NOCT: variants seen among roughly 807,000 people sequenced by gnomAD.
NOCT encodes the protein CCR4 carbon catabolite repression 4-like.
Under a neutral mutation model 35.0 loss-of-function variants are expected in NOCT, and 18 were observed. The ratio of observed to expected loss-of-function variants is 0.51; its 90% CI spans 0.36 to 0.76. The LOEUF is 0.76. Among genes scored for constraint, NOCT ranks in the 30% least tolerant of loss-of-function variants. NOCT has a pLI of 0.01. For synonymous variants in NOCT, 235 were observed against 226.3 expected (o/e 1.04, Z -0.34); for missense variants, 479 against 541.0 (o/e 0.89, Z 1.14).
At chr4:139,019,883 AGCTG>A (rs1726377701) in intron 1 of NOCT, among the ~76,000 whole-genome samples, 1 of 152,216 alleles carries the variant, frequency 6.6e-6, no homozygotes, top group East Asian at 1.9e-4. Context: ...GAGAATGAAG[AGCTG>A]GCTGAACTAC....
Position 139,015,997 on chromosome 4 carries a change from C to A in NOCT, c.16C>A (p.Arg6=). The A allele has an allele frequency of 7.2e-7, 1 of 1,385,104 alleles. No individual in the cohort carries two copies. Among genetic ancestry groups the A allele is most frequent in the South Asian group, 1.6e-5 (1 of 64,174 alleles). 85.8% of individuals were successfully genotyped at this position (1,385,104 alleles called of 1,614,324 possible). MFHSP[R]RLCSALLQRD... is the part of the protein sequence containing the mutation. ...GGCGCCCGGCATGTTTCATAGTCCG[C>A]GGCGGCTCTGCTCGGCCCTGCTGCA... Residue 6 remains arginine (R), a synonymous_variant, in exon 1 of 3, where the codon CGG becomes AGG. Transcript: ENST00000280614.
intron 1 of NOCT, among the ~76,000 whole-genome samples, chr4:139,028,726 A>G (rs1290073265): frequency 2.6e-5 from 4 of 152,220 alleles, no homozygotes; most frequent in East Asian, 1.9e-4. Context: ...TAGTTGTTCA[A>G]TCTAGAGAAA....
intron 1 of NOCT, among the ~76,000 whole-genome samples, chr4:139,019,737 G>A (rs1444109160): frequency 1.3e-5 from 2 of 152,130 alleles, no homozygotes; most frequent in East Asian, 1.9e-4. Flanking sequence ...GGATGATCTC[G>A]GTGTTTGGCT....
At chr4:139,043,539 A>T in intron 2 of NOCT, 196 bp downstream of exon 2, 1 of 555,276 alleles carries the variant, frequency 1.8e-6, no homozygotes. Flanking sequence ...TTTTTTTAGA[A>T]AGAAAAAAGA....
In NOCT at chr4:139,043,166, G is replaced by A. The variant is rs757607668; in HGVS notation, c.283G>A (p.Val95Met). 3.1e-6 allele frequency: 5 copies of A among 1,614,028 alleles called. No homozygotes were observed. Among genetic ancestry groups the A allele is most frequent in the African/African-American group, 1.3e-5 (1 of 74,910 alleles). The change falls in exon 2 of 3, where the codon GTG becomes ATG. Residue 95 changes from valine to methionine, a missense_variant. Physicochemically the swap from Val to Met is conservative, Grantham distance 21. Around this residue, in one of 2 missense-constraint regions of NOCT, gnomAD observed 265 missense variants for 257.0 expected, o/e 1.03. Coordinates refer to ENST00000280614, the MANE Select transcript of NOCT (RefSeq NM_012118.4). ...SAASQHPEYLVSPDPEHLEPI... is the reference protein window; with the variant it reads ...SAASQHPEYLMSPDPEHLEPI... Reference sequence around the variant, plus strand: ...TGCCTCCCAGCACCCAGAGTATTTGGTGTCACCTGACCCAGAGCATCTGGA... The same window carrying A: ...TGCCTCCCAGCACCCAGAGTATTTGATGTCACCTGACCCAGAGCATCTGGA...
intron 1 of NOCT, among the ~76,000 whole-genome samples, chr4:139,042,071 C>CTTTTTTTTT (rs368776726): frequency 4.6e-5 from 5 of 108,746 alleles, no homozygotes; most frequent in African/African-American, 7.0e-5. Flanking sequence ...TCTTTAAGAT[C>CTTTTTTTTT]TTTTTTTTTT....
At chr4:139,036,795 CAG>C (rs1726745221) in intron 1 of NOCT, among the ~76,000 whole-genome samples, 2 of 152,116 alleles carry the variant, frequency 1.3e-5, no homozygotes, top group African/African-American at 4.8e-5. Context: ...TAACATACAG[CAG>C]AGAGATTATC....
rs1560727187 is a variant in NOCT at position 139,015,859 on chromosome 4, G to A, written c.-123G>A. On this transcript the variant is annotated 5_prime_UTR_variant, in exon 1 of 3. Coordinates refer to ENST00000280614, the MANE Select transcript of NOCT (RefSeq NM_012118.4). ...GATTTCCCCAGAACCTGCGCCGCGC[G>A]AGAAGGAGCCTGGGAGCATCCGCCC... 6.6e-6 allele frequency: 5 copies of A among 761,402 alleles called. No individual in the cohort carries two copies. The East Asian group carries it at 1.2e-4, about 18-fold the overall frequency. 47.2% of individuals were successfully genotyped at this position (761,402 alleles called of 1,614,324 possible).
rs750292631 is a variant in NOCT, at chr4:139,016,154, G to A, written c.173G>A (p.Arg58Lys). The A allele has an allele frequency of 1.2e-5, 15 of 1,269,002 alleles. No homozygotes were observed. The highest frequency in any genetic ancestry group is 1.5e-5 in the Non-Finnish European group (15 of 1,011,916). 78.6% of individuals were successfully genotyped at this position (1,269,002 alleles called of 1,614,324 possible). Residue 58 changes from arginine (R) to lysine (K), a missense_variant, in exon 1 of 3, where the codon AGG becomes AAG. This residue lies in a region of NOCT where 265 missense variants were observed against 257.0 expected (regional missense o/e 1.03). Transcript: ENST00000280614. ...AAASAASGAARSCSRTVCSMG... is the reference protein window; with the variant it reads ...AAASAASGAAKSCSRTVCSMG... The stretch of plus-strand genomic sequence containing the variant: ...GCCTCGGCGGCCTCGGGCGCCGCGA[G>A]GTCGTGTTCCCGAACAGGTGAGTGC...
chr4:139,032,808 C>T lies in NOCT; in HGVS notation c.191-10266C>T, dbSNP rs1013207610. Among the ~76,000 whole-genome samples, 4 of 152,192 alleles carry T rather than the reference C, an allele frequency of 2.6e-5. No homozygotes were observed. The South Asian group carries it at 8.3e-4, about 32-fold the overall frequency. ...TCCTGAATAGCAACTCCTATTAAGG[C>T]ATAAAACTTAAGTAGATGGTTTGAA... On this transcript the variant is annotated intron_variant, in intron 1 of 2. Coordinates refer to ENST00000280614, the MANE Select transcript of NOCT (RefSeq NM_012118.4).
At chr4:139,043,451 G>A in intron 2 of NOCT, 108 bp downstream of exon 2, 1 of 1,082,066 alleles carries the variant, frequency 9.2e-7, no homozygotes, top group South Asian at 1.4e-5. Flanking sequence ...GGTGTGGGCA[G>A]ATGGAGGTGA....
chr4:139,035,935 T>C (rs1198026684), intron 1 of NOCT, among the ~76,000 whole-genome samples: 1 of 152,136 alleles, frequency 6.6e-6, no homozygotes, highest in East Asian at 1.9e-4. Context: ...GTGAGGCTAT[T>C]TCCTTACCAC....
rs372648550 is a variant in NOCT, at chr4:139,045,153, C to T, written c.975C>T (p.Phe325=). The change falls in exon 3 of 3, where the codon TTC becomes TTT. Residue 325 remains phenylalanine (F), a synonymous_variant. Transcript: ENST00000280614. The part of the protein sequence containing the change: ...AKIPLIVCGD[F]NAEPTEEVYK... ...TTCCCCTTATTGTGTGTGGGGACTT[C>T]AATGCAGAGCCAACAGAAGAGGTCT... The T allele has an allele frequency of 6.2e-7, 1 of 1,614,082 alleles. No homozygotes were observed. The highest frequency in any genetic ancestry group is 1.3e-5 in the African/African-American group (1 of 74,938).
intron 1 of NOCT, among the ~76,000 whole-genome samples, chr4:139,025,191 C>T (rs1364360710): frequency 6.6e-6 from 1 of 152,126 alleles, no homozygotes; most frequent in African/African-American, 2.4e-5. Flanking sequence ...TATGGAGCAA[C>T]CAAAAGCCAC....
chr4:139,027,625 G>A (rs1308692173), intron 1 of NOCT, among the ~76,000 whole-genome samples: 8 of 151,650 alleles, frequency 5.3e-5, no homozygotes, highest in Non-Finnish European at 1.2e-4. Context: ...TCAGCCTCCC[G>A]AGTAGCTGGG....
At chr4:139,040,888 CAA>C (rs928219179) in intron 1 of NOCT, among the ~76,000 whole-genome samples, 2 of 151,284 alleles carry the variant, frequency 1.3e-5, no homozygotes, top group Non-Finnish European at 2.9e-5. Context: ...TTGTTTTCCC[CAA>C]AAAACCTACA....
At chr4:139,035,373 C>T (rs537739633) in intron 1 of NOCT, among the ~76,000 whole-genome samples, 92 of 152,112 alleles carry the variant, frequency 6.0e-4, no homozygotes, top group African/African-American at 2.0e-3. Context: ...TGACCCTAAG[C>T]GATCCTCCTG....
At chr4:139,037,750 C>T (rs1156683061) in intron 1 of NOCT, among the ~76,000 whole-genome samples, 6 of 152,012 alleles carry the variant, frequency 3.9e-5, no homozygotes, top group Non-Finnish European at 8.8e-5. Flanking sequence ...TTGGCTGGTA[C>T]GGTGGTGTGC....
Position 139,015,783 on chromosome 4 carries a change from A to G in NOCT, c.-199A>G. ...CAGGTCTCGCCAGGTCTCACAGCAG[A>G]CGGTGCCGACGCAGCGGTGTTGCAC... On this transcript the variant is annotated 5_prime_UTR_variant, in exon 1 of 3. Coordinates refer to ENST00000280614, the MANE Select transcript of NOCT (RefSeq NM_012118.4). 2.7e-6 allele frequency: 1 copy of G among 372,560 alleles called. No homozygotes were observed. Among genetic ancestry groups the G allele is most frequent in the East Asian group, 4.4e-5 (1 of 22,968 alleles). The allele number at this position is 372,560 out of a possible 1,614,324, so 23.1% of individuals were successfully genotyped here.
Sources: allele counts gnomAD v4.1 joint callset (sites outside exome capture counted in the v4.1 genomes callset), GRCh38; gene constraint gnomAD v4.1.1; regional missense constraint gnomAD v4.1.1; transcripts MANE v1.5; gene names NCBI Gene and HGNC (gene_info 2026-07-23, HGNC 2026-07-21).